Variants in LDB2 observed in about 807,000 individuals in gnomAD.
LDB2 encodes LIM domain-binding protein 2.
Under a neutral mutation model 44.3 loss-of-function variants are expected in LDB2, and 12 were observed. The observed-to-expected ratio is 0.27, with a 90% confidence interval of 0.17 to 0.44. The LOEUF is 0.44. Among genes scored for constraint, LDB2 ranks in the 20% least tolerant of loss-of-function variants. The pLI is 1.00. For missense variants in LDB2, 344 were observed against 473.5 expected (o/e 0.73, Z 2.54); for synonymous variants, 164 against 174.8 (o/e 0.94, Z 0.49).
Position 16,554,094 on chromosome 4 carries a change from AGGCTG to A in LDB2, c.615+31823_615+31827del, listed in dbSNP as rs1738633794. ...AGATGGAGTTTCGCTCTTCTGGCTCAGGCTGGAGTGCAATGGTGCAATCTCGGCTC... is the reference window on the plus strand; with the variant it reads ...AGATGGAGTTTCGCTCTTCTGGCTCAGAGTGCAATGGTGCAATCTCGGCTC... On this transcript the variant is annotated intron_variant, in intron 5 of 7. Transcript: ENST00000304523. 2.0e-5 allele frequency among the ~76,000 whole-genome samples: 3 copies of A among 147,124 alleles called. No homozygotes were observed. The Admixed American group carries it at 2.1e-4, about 10-fold the overall frequency.
rs142230839 is a variant in LDB2, at chr4:16,583,785, C to T, written c.615+2137G>A. Among the ~76,000 whole-genome samples the T allele has an allele frequency of 3.1e-3, 479 of 152,298 alleles. 1 individual carries two copies. The highest frequency in any genetic ancestry group is 5.3e-3 in the Non-Finnish European group (360 of 68,018). On this transcript the variant is annotated intron_variant, in intron 5 of 7. Coordinates refer to ENST00000304523, the MANE Select transcript of LDB2 (RefSeq NM_001290.5). ...TTGTGACTAGGAGGCATGGCTTCTA[C>T]ACTGAGCTGCTCCTTAAGACCTGAG...
chr4:16,612,641 A>G (rs998882686), intron 2 of LDB2, among the ~76,000 whole-genome samples: 3 of 152,238 alleles, frequency 2.0e-5, no homozygotes, highest in Non-Finnish European at 4.4e-5. Context: ...CACCCTACCA[A>G]GACTAAACCA....
intron 5 of LDB2, chr4:16,581,334 T>G: frequency 1.2e-6 from 1 of 851,488 alleles, no homozygotes; most frequent in Non-Finnish European, 1.4e-6. Flanking sequence ...ACACAGCTAG[T>G]AAGAAGATGA....
chr4:16,704,187 C>G (rs577380926), intron 2 of LDB2, among the ~76,000 whole-genome samples: 4 of 152,304 alleles, frequency 2.6e-5, no homozygotes, highest in Admixed American at 6.5e-5. Context: ...TTTCCTTTGG[C>G]CTCCAGAACT....
chr4:16,659,650 CATAT>C (rs1457288814), intron 2 of LDB2, among the ~76,000 whole-genome samples: 13 of 144,582 alleles, frequency 9.0e-5, no homozygotes, highest in East Asian at 6.2e-4. Context: ...TACACACACA[CATAT>C]GAGTATATCT....
intron 5 of LDB2, among the ~76,000 whole-genome samples, chr4:16,552,399 A>T (rs996193349): frequency 1.3e-5 from 2 of 152,130 alleles, no homozygotes; most frequent in African/African-American, 4.8e-5. Flanking sequence ...TGCTCTTAAA[A>T]AACTAAAAAT....
intron 2 of LDB2, among the ~76,000 whole-genome samples, chr4:16,740,467 C>T (rs1482969743): frequency 6.6e-6 from 1 of 152,214 alleles, no homozygotes; most frequent in Non-Finnish European, 1.5e-5. Context: ...TCCCACCAGG[C>T]CTCCAATCGT....
intron 2 of LDB2, among the ~76,000 whole-genome samples, chr4:16,719,858 ATTGGCTAGATATTATTAT>A: frequency 6.6e-6 from 1 of 152,252 alleles, no homozygotes. Context: ...CAATAACACT[ATTGGCTAGATATTATTAT>A]TCTGCTCATT....
At chr4:16,783,391 G>A (rs570869399) in intron 1 of LDB2, among the ~76,000 whole-genome samples, 1 of 152,360 alleles carries the variant, frequency 6.6e-6, no homozygotes, top group South Asian at 2.1e-4. Flanking sequence ...TCTCACCAAG[G>A]CCCAAGAGAG....
intron 2 of LDB2, among the ~76,000 whole-genome samples, chr4:16,758,125 T>C (rs1370931892): frequency 6.6e-6 from 1 of 152,176 alleles, no homozygotes; most frequent in African/African-American, 2.4e-5. Context: ...CAATTGATTC[T>C]ACTAGTATAG....
intron 2 of LDB2, among the ~76,000 whole-genome samples, chr4:16,756,461 A>G (rs1766671665): frequency 6.6e-6 from 1 of 152,106 alleles, no homozygotes; most frequent in African/African-American, 2.4e-5. Flanking sequence ...TCAAAAAAAG[A>G]AAAAAAGATC....
intron 2 of LDB2, among the ~76,000 whole-genome samples, chr4:16,699,859 G>A (rs1478982961): frequency 6.6e-6 from 1 of 152,134 alleles, no homozygotes; most frequent in Non-Finnish European, 1.5e-5. Flanking sequence ...TCCCAATATG[G>A]CGAACGCTGC....
At chr4:16,834,072 T>A (rs1222071374) in intron 1 of LDB2, among the ~76,000 whole-genome samples, 1 of 152,238 alleles carries the variant, frequency 6.6e-6, no homozygotes, top group East Asian at 1.9e-4. Flanking sequence ...TAACTTAATA[T>A]ATTTTTCACC....
At chr4:16,891,215 A>T (rs1339476926) in intron 1 of LDB2, among the ~76,000 whole-genome samples, 1 of 102,418 alleles carries the variant, frequency 9.8e-6, no homozygotes, top group East Asian at 2.1e-4. Flanking sequence ...ATTTTTAAGT[A>T]AAAAAAAAAA....
At chr4:16,670,803 T>C (rs565306227) in intron 2 of LDB2, among the ~76,000 whole-genome samples, 5 of 152,366 alleles carry the variant, frequency 3.3e-5, no homozygotes, top group Admixed American at 3.3e-4. Context: ...ATGTCGCTCA[T>C]AAGAGAAGGC....
chr4:16,512,732 T>G (rs1013295427), intron 5 of LDB2, among the ~76,000 whole-genome samples: 1 of 152,362 alleles, frequency 6.6e-6, no homozygotes. Context: ...AAATAACATA[T>G]GTCAACATTC....
At chr4:16,748,660 G>T (rs909385575) in intron 2 of LDB2, among the ~76,000 whole-genome samples, 1 of 152,088 alleles carries the variant, frequency 6.6e-6, no homozygotes, top group African/African-American at 2.4e-5. Flanking sequence ...TGGATTGTAG[G>T]GGAGGATACC....
intron 2 of LDB2, among the ~76,000 whole-genome samples, chr4:16,615,169 G>T (rs756133549): frequency 2.6e-5 from 4 of 151,374 alleles, no homozygotes; most frequent in African/African-American, 4.8e-5. Context: ...GCGTAAATTA[G>T]TTCAACCATT....
chr4:16,846,815 A>T (rs2110149764), intron 1 of LDB2, among the ~76,000 whole-genome samples: 1 of 152,314 alleles, frequency 6.6e-6, no homozygotes, highest in South Asian at 2.1e-4. Flanking sequence ...GAGCAGGCAA[A>T]GAGTGCTTTG....
Sources: allele counts gnomAD v4.1 joint callset (sites outside exome capture counted in the v4.1 genomes callset), GRCh38; gene constraint gnomAD v4.1.1; transcripts MANE v1.5; gene names NCBI Gene and HGNC (gene_info 2026-07-23, HGNC 2026-07-21).